TFAP2B: variants seen among roughly 807,000 people sequenced by gnomAD.
The protein encoded by TFAP2B is transcription factor AP-2-beta.
A neutral mutation model predicts 44.3 loss-of-function variants in TFAP2B; 9 were observed. The observed-to-expected ratio is 0.20, with a 90% CI of 0.12 to 0.35. The LOEUF (loss-of-function observed/expected upper bound fraction) is 0.35. Among genes scored for constraint, TFAP2B ranks in the 10% least tolerant of loss-of-function variants. The pLI is 1.00. For synonymous variants in TFAP2B, 270 were observed against 263.8 expected, an observed-to-expected ratio of 1.02 and a Z score of -0.23; for missense variants, 509 against 600.0, an observed-to-expected ratio of 0.85 and a Z score of 1.59.
rs772600786 is a variant in TFAP2B at position 50,838,068 on chromosome 6, C to A, written c.915C>A (p.Val305=). Residue 305 remains valine, a synonymous_variant, in exon 5 of 7, where the codon GTC becomes GTA. Coordinates refer to ENST00000393655, the MANE Select transcript of TFAP2B (RefSeq NM_003221.4). ...CGGGCAGGCGCAAAGCAGCAAATGT[C>A]ACGTTACTCACCTCCCTGGTGGAAG... ...LPAGRRKAAN[V]TLLTSLVEGE... is the part of the protein sequence containing the mutation. 2 of 1,614,114 alleles carry A rather than the reference C, an allele frequency of 1.2e-6. No individual in the cohort carries two copies. Among genetic ancestry groups the A allele is most frequent in the Non-Finnish European group, 1.7e-6 (2 of 1,179,968 alleles).
Position 50,829,285 on chromosome 6 carries a change from A to G in TFAP2B, c.601+606A>G, listed in dbSNP as rs540189679. On this transcript the variant is annotated intron_variant, in intron 3 of 6. Transcript: ENST00000393655. ...TAGTGTGACTGTGGAATCACCCCAT[A>G]CTGTTAAAGGGCATGTGATATTAAC... 1.4e-3 allele frequency among the ~76,000 whole-genome samples: 206 copies of G among 152,290 alleles called. 1 individual carries two copies. Among genetic ancestry groups the G allele is most frequent in the Non-Finnish European group, 2.3e-3 (155 of 68,026 alleles).
chr6:50,844,716 T>C lies in TFAP2B; in HGVS notation c.*1324T>C, dbSNP rs1762804997. 1 of 152,472 alleles carries C rather than the reference T, an allele frequency of 6.6e-6. No homozygotes were observed. Among genetic ancestry groups the C allele is most frequent in the Admixed American group, 6.5e-5 (1 of 15,284 alleles). The allele number at this position is 152,472 out of a possible 1,614,324, so 9.4% of individuals were successfully genotyped here. A position where few individuals can be genotyped will look rare whatever the true frequency, so the allele number is the denominator to read the frequency against. On this transcript the variant is annotated 3_prime_UTR_variant, in exon 7 of 7. Coordinates refer to ENST00000393655, the MANE Select transcript of TFAP2B (RefSeq NM_003221.4). ...ATATTCTAATAGTATTGCCCTGCAT[T>C]TAAAATTGATTTGATTTCCCTGGGT... is the stretch of plus-strand genomic sequence containing the variant.
Position 50,823,971 on chromosome 6 carries a change from T to G in TFAP2B, c.540+106T>G, listed in dbSNP as rs1770434986. On this transcript the variant is annotated intron_variant, in intron 2 of 6. Transcript: ENST00000393655. ...GCAGCTCTGTCTCTTTTTGGGGAGT[T>G]TGTTCCCATGTTTAGAACAGGACTA... 1.1e-5 allele frequency: 14 copies of G among 1,251,862 alleles called. No individual in the cohort carries two copies. The South Asian group carries it at 1.5e-4, about 14-fold the overall frequency. The allele number at this position is 1,251,862 out of a possible 1,614,324, so 77.5% of individuals were successfully genotyped here. A position where few individuals can be genotyped will look rare whatever the true frequency, so the allele number is the denominator to read the frequency against.
chr6:50,830,114 G>T (rs1770634415), intron 3 of TFAP2B, among the ~76,000 whole-genome samples: 1 of 152,068 alleles, frequency 6.6e-6, no homozygotes, highest in Admixed American at 6.6e-5. Context: ...GTTAATTGCT[G>T]GTTGATTAGG....
intron 1 of TFAP2B, among the ~76,000 whole-genome samples, chr6:50,819,900 G>C (rs1466256376): frequency 6.6e-6 from 1 of 151,956 alleles, no homozygotes; most frequent in Non-Finnish European, 1.5e-5. Flanking sequence ...CGAGGCGCGG[G>C]GCGCGCGGCG....
At chr6:50,828,086 T>C (rs1265363001) in intron 2 of TFAP2B, among the ~76,000 whole-genome samples, 1 of 152,198 alleles carries the variant, frequency 6.6e-6, no homozygotes, top group Non-Finnish European at 1.5e-5. Flanking sequence ...GGAACGTGTA[T>C]GGGCTGTAAT....
chr6:50,836,574 G>A (rs1178205871), intron 4 of TFAP2B, among the ~76,000 whole-genome samples: 1 of 152,168 alleles, frequency 6.6e-6, no homozygotes, highest in East Asian at 1.9e-4. Flanking sequence ...CTGGCCCTGC[G>A]CCTGGCGCCT....
At chr6:50,825,727 G>C (rs1028050383) in intron 2 of TFAP2B, among the ~76,000 whole-genome samples, 2 of 152,108 alleles carry the variant, frequency 1.3e-5, no homozygotes, top group Non-Finnish European at 2.9e-5. Context: ...GTAGAGAGCT[G>C]AAAGGAGAAA....
chr6:50,841,538 C>T (rs1241028455), intron 6 of TFAP2B, among the ~76,000 whole-genome samples: 1 of 152,136 alleles, frequency 6.6e-6, no homozygotes, highest in African/African-American at 2.4e-5. Context: ...AAATGACTCT[C>T]ATTTCTCTAA....
rs745934693 is a variant in TFAP2B at position 50,823,441 on chromosome 6, G to C, written c.116G>C (p.Arg39Pro). 3 of 1,606,478 alleles carry C rather than the reference G, an allele frequency of 1.9e-6. No individual in the cohort carries two copies. The highest frequency in any genetic ancestry group is 2.5e-6 in the Non-Finnish European group (3 of 1,176,922). Residue 39 changes from arginine to proline, a missense_variant, in exon 2 of 7, where the codon CGG (arginine) becomes CCG (proline). Arg to Pro is a moderately radical substitution (Grantham distance 103). Coordinates refer to ENST00000393655, the MANE Select transcript of TFAP2B (RefSeq NM_003221.4). The stretch of plus-strand genomic sequence containing the variant: ...GATGGTGTCCCGAGCCACAGCTCGC[G>C]GCTCTCCCAGCTGGGCTCGGTGTCC... ...RHDGVPSHSS[R>P]LSQLGSVSQG...
At chr6:50,826,074 C>A (rs1040792839) in intron 2 of TFAP2B, among the ~76,000 whole-genome samples, 1 of 152,168 alleles carries the variant, frequency 6.6e-6, no homozygotes, top group African/African-American at 2.4e-5. Flanking sequence ...CAGAAGGATC[C>A]ACTTCCGAGT....
upstream of TFAP2B, chr6:50,818,654 T>G (rs1010359030): frequency 3.8e-6 from 2 of 525,430 alleles, no homozygotes; most frequent in Non-Finnish European, 6.8e-6. Flanking sequence ...TGGGTGTAAA[T>G]ACGGGTTTAT....
At chr6:50,830,155 T>C (rs1770635863) in intron 3 of TFAP2B, 1 of 264,314 alleles carries the variant, frequency 3.8e-6, no homozygotes, top group African/African-American at 2.3e-5. Context: ...CTCCATTGGC[T>C]TTTTTCAGTT....
chr6:50,840,506 G>C (rs943518523), intron 6 of TFAP2B, among the ~76,000 whole-genome samples: 2 of 152,186 alleles, frequency 1.3e-5, no homozygotes, highest in African/African-American at 4.8e-5. Flanking sequence ...TTGTTAATCC[G>C]AATCCAGCCT....
chr6:50,822,906 T>C (rs2113928180), intron 1 of TFAP2B, among the ~76,000 whole-genome samples: 1 of 152,316 alleles, frequency 6.6e-6, no homozygotes, highest in Admixed American at 6.5e-5. Context: ...AGGCAGAAGT[T>C]GGTTTTTAAT....
In TFAP2B at chr6:50,823,769, C is replaced by G; in HGVS notation, c.444C>G (p.Asp148Glu). Reference sequence around the variant, plus strand: ...ACTACCACTCGGTCCGCCGGCCGGACGTGCTGCTGCATTCGGCGCACCACG... The same window carrying G: ...ACTACCACTCGGTCCGCCGGCCGGAGGTGCTGCTGCATTCGGCGCACCACG... Reference protein sequence around the residue: ...RRDYHSVRRPDVLLHSAHHGL... With the variant: ...RRDYHSVRRPEVLLHSAHHGL... The change falls in exon 2 of 7, where the codon GAC becomes GAG. Residue 148 changes from aspartate (D) to glutamate (E), a missense_variant. Physicochemically the swap from Asp to Glu is conservative, Grantham distance 45. Around this residue, in one of 3 missense-constraint regions of TFAP2B, gnomAD observed 296 missense variants for 308.2 expected, o/e 0.96. Transcript: ENST00000393655. 1.3e-6 allele frequency: 2 copies of G among 1,598,460 alleles called. No homozygotes were observed. Among genetic ancestry groups the G allele is most frequent in the Non-Finnish European group, 1.7e-6 (2 of 1,172,408 alleles).
At chr6:50,840,336 G>T in intron 6 of TFAP2B, 39 bp downstream of exon 6, 1 of 1,609,962 alleles carries the variant, frequency 6.2e-7, no homozygotes, top group Non-Finnish European at 8.5e-7. Context: ...CTCACTCCCA[G>T]CTGGCTAGGC....
chr6:50,823,326 A>ACTCTCTGTCTCTCTCTGCC lies in TFAP2B; in HGVS notation c.82-80_82-62dup. 7.4e-6 allele frequency: 9 copies of ACTCTCTGTCTCTCTCTGCC among 1,220,216 alleles called. No homozygotes were observed. In the South Asian group the frequency reaches 1.2e-4, roughly 16 times the overall value. 75.6% of individuals were successfully genotyped at this position (1,220,216 alleles called of 1,614,324 possible). On this transcript the variant is annotated intron_variant, in intron 1 of 6. Transcript: ENST00000393655. The stretch of plus-strand genomic sequence containing the variant: ...TTGTATTTTTTTTCTTCCTCTCTGT[A>ACTCTCTGTCTCTCTCTGCC]CTCTCTGTCTCTCTCTGCCTCTATC...
intron 3 of TFAP2B, among the ~76,000 whole-genome samples, chr6:50,831,960 T>G (rs942010338): frequency 1.3e-5 from 2 of 152,214 alleles, no homozygotes; most frequent in African/African-American, 4.8e-5. Context: ...TTCTTTCCCG[T>G]TAGTTCTGGC....
Sources: allele counts gnomAD v4.1 joint callset (sites outside exome capture counted in the v4.1 genomes callset), GRCh38; gene constraint gnomAD v4.1.1; regional missense constraint gnomAD v4.1.1; transcripts MANE v1.5; gene names NCBI Gene and HGNC (gene_info 2026-07-23, HGNC 2026-07-21).